The following RC3H1 variants were observed in gnomAD, a reference collection of about 807,000 sequenced individuals.
RC3H1 encodes the protein roquin-1.
RC3H1 carries 50 observed loss-of-function variants against 138.2 expected under a neutral mutation model. The ratio of observed to expected loss-of-function variants is 0.36; its 90% CI spans 0.29 to 0.46. RC3H1 has a LOEUF of 0.46. RC3H1 is among the 20% of genes least tolerant of loss of function. RC3H1 has a pLI of 1.00. For missense variants in RC3H1, 1,031 were observed against 1,388.1 expected (o/e 0.74, Z 4.09); for synonymous variants, 462 against 489.1 (o/e 0.94, Z 0.73).
intron 9 of RC3H1, among the ~76,000 whole-genome samples, chr1:173,966,733 G>GTAAATAAAAAAA (rs1660136089): frequency 6.6e-6 from 1 of 151,242 alleles, no homozygotes; most frequent in African/African-American, 2.4e-5. Flanking sequence ...AAAAAAAAAA[G>GTAAATAAAAAAA]TAAATAAAAA....
At chr1:173,989,898 T>C (rs1661199891) in intron 2 of RC3H1, among the ~76,000 whole-genome samples, 1 of 149,396 alleles carries the variant, frequency 6.7e-6, no homozygotes, top group Non-Finnish European at 1.5e-5. Context: ...GGCTAATTTT[T>C]TGTATTTTTA....
intron 2 of RC3H1, among the ~76,000 whole-genome samples, chr1:173,987,395 G>T (rs1170931302): frequency 1.3e-5 from 2 of 152,126 alleles, no homozygotes; most frequent in East Asian, 1.9e-4. Context: ...TTATTTTGTT[G>T]TTCAAACTGT....
intron 9 of RC3H1, among the ~76,000 whole-genome samples, chr1:173,969,008 G>A (rs1660237509): frequency 6.6e-6 from 1 of 151,692 alleles, no homozygotes; most frequent in African/African-American, 2.4e-5. Context: ...ACAGGCGCAT[G>A]CCACCACACC....
chr1:173,975,916 A>T (rs1176385768), intron 7 of RC3H1, among the ~76,000 whole-genome samples: 1 of 147,374 alleles, frequency 6.8e-6, no homozygotes, highest in South Asian at 2.2e-4. Flanking sequence ...AAAAAAAAAA[A>T]AAAAAAAAAA....
chr1:173,976,006 T>C (rs575394820), intron 7 of RC3H1, among the ~76,000 whole-genome samples: 1 of 146,152 alleles, frequency 6.8e-6, no homozygotes, highest in African/African-American at 2.5e-5. Context: ...AGGAAACAGA[T>C]ATAGGATTAA....
chr1:173,946,583 C>A lies in RC3H1; in HGVS notation c.2854G>T (p.Ala952Ser). ...ERERISMSEV[A>S]SHGKPLPSAE... ...GATGGAAGGGGTTTTCCATGACTGG[C>A]CACTTCTGACATAGATATTCTCTCC... The change falls in exon 17 of 20, where the codon GCC becomes TCC. Residue 952 changes from alanine to serine, a missense_variant. This residue lies in a region of RC3H1 where 716 missense variants were observed against 837.9 expected (regional missense o/e 0.85). Transcript: ENST00000367696. 1.2e-6 allele frequency: 2 copies of A among 1,613,874 alleles called. No individual in the cohort carries two copies. Among genetic ancestry groups the A allele is most frequent in the South Asian group, 2.2e-5 (2 of 91,062 alleles).
At chr1:173,964,646 C>G (rs1293708709) in intron 10 of RC3H1, among the ~76,000 whole-genome samples, 193 bp downstream of exon 10, 2 of 152,000 alleles carry the variant, frequency 1.3e-5, no homozygotes, top group Non-Finnish European at 2.9e-5. Context: ...GGATTATAGG[C>G]ATGTGCCACC....
intron 1 of RC3H1, among the ~76,000 whole-genome samples, chr1:173,996,375 T>C (rs1290800920): frequency 6.6e-6 from 1 of 152,110 alleles, no homozygotes; most frequent in Non-Finnish European, 1.5e-5. Context: ...TATTAATATA[T>C]GTAAATGAAT....
At chr1:173,953,551 G>A (rs1247168989) in intron 13 of RC3H1, among the ~76,000 whole-genome samples, 1 of 152,054 alleles carries the variant, frequency 6.6e-6, no homozygotes, top group Non-Finnish European at 1.5e-5. Context: ...GATTACTGGC[G>A]TGAGCTACCA....
At chr1:173,999,732 T>C (rs889144428) in intron 1 of RC3H1, among the ~76,000 whole-genome samples, 1 of 152,246 alleles carries the variant, frequency 6.6e-6, no homozygotes, top group Non-Finnish European at 1.5e-5. Flanking sequence ...ATATCCACAA[T>C]GTGGACTACC....
At chr1:174,021,641 G>A (rs1364217844) in intron 1 of RC3H1, among the ~76,000 whole-genome samples, 2 of 152,182 alleles carry the variant, frequency 1.3e-5, no homozygotes, top group Non-Finnish European at 2.9e-5. Flanking sequence ...GGCTGGGGGA[G>A]GAAGCAGCCC....
chr1:173,991,353 A>G (rs1253665077), intron 2 of RC3H1, among the ~76,000 whole-genome samples: 2 of 152,228 alleles, frequency 1.3e-5, no homozygotes, highest in African/African-American at 4.8e-5. Flanking sequence ...TTTTGTTTCT[A>G]ATAGCTTTTC....
chr1:174,022,327 C>G lies in RC3H1; in HGVS notation c.-382G>C. ...GTTGCTCGGCCTCCTCTTCCTCCTC[C>G]TCGTCCTCCGCCGCCCAGTCGCTCG... On this transcript the variant is annotated 5_prime_UTR_variant, in exon 1 of 20. Coordinates refer to ENST00000367696, the MANE Select transcript of RC3H1 (RefSeq NM_172071.4). This position sits in a 1 kb window ranked among gnomAD's most constrained non-coding sequence, Gnocchi z 4.2. The G allele has an allele frequency of 2.6e-6, 1 of 380,622 alleles. No individual in the cohort carries two copies. Among genetic ancestry groups the G allele is most frequent in the Non-Finnish European group, 4.7e-6 (1 of 214,764 alleles). 23.6% of individuals were successfully genotyped at this position (380,622 alleles called of 1,614,324 possible). A position where few individuals can be genotyped will look rare whatever the true frequency, so the allele number is the denominator to read the frequency against.
Position 174,022,246 on chromosome 1 carries a change from G to A in RC3H1, c.-301C>T. 1 of 391,272 alleles carries A rather than the reference G, an allele frequency of 2.6e-6. No individual in the cohort carries two copies. The highest frequency in any genetic ancestry group is 1.3e-4 in the South Asian group (1 of 7,878). The allele number at this position is 391,272 out of a possible 1,614,324, so 24.2% of individuals were successfully genotyped here. On this transcript the variant is annotated 5_prime_UTR_variant, in exon 1 of 20. Transcript: ENST00000367696. This position sits in a 1 kb window ranked among gnomAD's most constrained non-coding sequence, Gnocchi z 4.2. Reference sequence around the variant, plus strand: ...GGCTGCCGCCGCCACCGCCAGCACCGCCTCCGGCCTCCCACCTGCTGCTGC... The same window carrying A: ...GGCTGCCGCCGCCACCGCCAGCACCACCTCCGGCCTCCCACCTGCTGCTGC...
chr1:173,994,104 T>C (rs1661403035), intron 1 of RC3H1, among the ~76,000 whole-genome samples: 1 of 149,896 alleles, frequency 6.7e-6, no homozygotes, highest in Non-Finnish European at 1.5e-5. Flanking sequence ...ATAAATAACT[T>C]TTGACAGCCA....
At chr1:173,999,482 C>T (rs1265009175) in intron 1 of RC3H1, among the ~76,000 whole-genome samples, 1 of 152,084 alleles carries the variant, frequency 6.6e-6, no homozygotes, top group African/African-American at 2.4e-5. Flanking sequence ...AGATACCAAA[C>T]TCCAAGTCTT....
intron 13 of RC3H1, among the ~76,000 whole-genome samples, chr1:173,953,763 G>C (rs981926426): frequency 6.6e-6 from 1 of 152,118 alleles, no homozygotes; most frequent in Non-Finnish European, 1.5e-5. Context: ...ATGAGGCTGG[G>C]CAAGGTGGCT....
intron 5 of RC3H1, 81 bp from the exon 6 acceptor site, chr1:173,981,090 C>G: frequency 8.6e-7 from 1 of 1,167,328 alleles, no homozygotes; most frequent in Non-Finnish European, 1.2e-6. Flanking sequence ...TTTAATGTAA[C>G]AAATTTAGCA....
intron 2 of RC3H1, among the ~76,000 whole-genome samples, chr1:173,991,861 GA>G (rs1357633811): frequency 3.9e-5 from 6 of 151,902 alleles, no homozygotes; most frequent in African/African-American, 1.5e-4. Context: ...CCTTTTAGAT[GA>G]AAGGAAAATT....
Sources: gnomAD v4.1 joint callset for allele counts (sites outside exome capture counted in the v4.1 genomes callset) on GRCh38, gnomAD v4.1.1 for gene constraint, gnomAD v4.1.1 regional missense constraint, Gnocchi (gnomAD v3.1) non-coding constraint, MANE v1.5 for transcripts, NCBI Gene and HGNC (gene_info 2026-07-23, HGNC 2026-07-21) for gene names.